The following KCTD8 variants were observed in gnomAD, a reference collection of about 807,000 sequenced individuals.
KCTD8 encodes BTB/POZ domain-containing protein KCTD8.
Under a neutral mutation model 31.5 loss-of-function variants are expected in KCTD8, and 27 were observed. The ratio of observed to expected loss-of-function variants is 0.86; its 90% CI spans 0.63 to 1.18. The LOEUF (loss-of-function observed/expected upper bound fraction) is 1.18, where lower values mean the gene tolerates loss of function less well. KCTD8 is among the 50% of genes most tolerant of loss of function. The pLI, the probability that KCTD8 is intolerant of heterozygous loss-of-function variation, is 0.00. For missense variants in KCTD8, 658 were observed against 647.7 expected, an observed-to-expected ratio of 1.02 and a Z score of -0.17; for synonymous variants, 290 against 280.0, an observed-to-expected ratio of 1.04 and a Z score of -0.36.
chr4:44,230,902 A>C (rs1328285180), intron 1 of KCTD8, among the ~76,000 whole-genome samples: 2 of 152,202 alleles, frequency 1.3e-5, no homozygotes, highest in Non-Finnish European at 2.9e-5. Flanking sequence ...ATTCTCAAGC[A>C]TAATAGATGG....
At position 44,447,598 on chromosome 4, in the gene KCTD8, T is replaced by C; in HGVS notation, c.926A>G (p.Lys309Arg). ...GTACTCGGTGTAGCTGCTCCAGATC[T>C]TGTCGTCGCGGTACTGGTTGACGAA... is the stretch of plus-strand genomic sequence containing the variant. Reference protein sequence around the residue: ...AAFVNQYRDDKIWSSYTEYIF... With the variant: ...AAFVNQYRDDRIWSSYTEYIF... Residue 309 changes from lysine to arginine, a missense_variant, in exon 1 of 2, where the codon AAG (lysine) becomes AGG (arginine). Lys to Arg is a conservative substitution (Grantham distance 26). Transcript: ENST00000360029. 1.3e-6 allele frequency: 2 copies of C among 1,599,744 alleles called. No homozygotes were observed. Among genetic ancestry groups the C allele is most frequent in the Non-Finnish European group, 1.7e-6 (2 of 1,173,118 alleles).
intron 1 of KCTD8, among the ~76,000 whole-genome samples, chr4:44,311,461 G>A (rs1717949270): frequency 6.6e-6 from 1 of 151,960 alleles, no homozygotes; most frequent in African/African-American, 2.4e-5. Context: ...GGTATATACA[G>A]TAAAAAATAT....
chr4:44,193,103 G>A (rs1448701048), intron 1 of KCTD8, among the ~76,000 whole-genome samples: 1 of 152,010 alleles, frequency 6.6e-6, no homozygotes, highest in African/African-American at 2.4e-5. Context: ...ACCACTAGTT[G>A]AAAAAGATAA....
intron 1 of KCTD8, among the ~76,000 whole-genome samples, chr4:44,286,779 G>C (rs1329888058): frequency 6.6e-6 from 1 of 152,094 alleles, no homozygotes; most frequent in East Asian, 1.9e-4. Context: ...AGGATGGATG[G>C]TTTAGGGGTA....
intron 1 of KCTD8, among the ~76,000 whole-genome samples, chr4:44,297,890 C>G (rs989287115): frequency 6.6e-6 from 1 of 152,094 alleles, no homozygotes; most frequent in African/African-American, 2.4e-5. Flanking sequence ...AATATTTTAC[C>G]TCTTGTAATT....
chr4:44,400,454 G>A (rs1363964478), intron 1 of KCTD8, among the ~76,000 whole-genome samples: 1 of 151,870 alleles, frequency 6.6e-6, no homozygotes, highest in Non-Finnish European at 1.5e-5. Context: ...AAACCAGCCA[G>A]GCACGATGGC....
chr4:44,425,828 G>A (rs1386651486), intron 1 of KCTD8, among the ~76,000 whole-genome samples: 1 of 151,924 alleles, frequency 6.6e-6, no homozygotes, highest in African/African-American at 2.4e-5. Context: ...CTGTGGCCAA[G>A]AGTGGCCAGG....
intron 1 of KCTD8, among the ~76,000 whole-genome samples, chr4:44,264,262 T>C (rs11930482): frequency 0.03 from 4,588 of 152,312 alleles, 242 homozygotes; most frequent in African/African-American, 0.11. Context: ...CTTTATAGAA[T>C]TTTTTAAAAA....
chr4:44,302,559 C>T (rs1266479439), intron 1 of KCTD8, among the ~76,000 whole-genome samples: 12 of 151,960 alleles, frequency 7.9e-5, no homozygotes, highest in African/African-American at 2.9e-4. Flanking sequence ...GATTTTTGTA[C>T]ATTGATTTTG....
intron 1 of KCTD8, among the ~76,000 whole-genome samples, chr4:44,340,589 G>A (rs1001310074): frequency 7.9e-5 from 12 of 151,716 alleles, no homozygotes; most frequent in East Asian, 1.9e-4. Flanking sequence ...GATTACAGGC[G>A]TGAGCCACCA....
At chr4:44,204,510 C>A (rs1478537403) in intron 1 of KCTD8, among the ~76,000 whole-genome samples, 2 of 152,132 alleles carry the variant, frequency 1.3e-5, no homozygotes, top group Non-Finnish European at 2.9e-5. Flanking sequence ...GTACCCCCTG[C>A]TTCCTCAATC....
chr4:44,301,818 C>T (rs1165287992), intron 1 of KCTD8, among the ~76,000 whole-genome samples: 3 of 152,132 alleles, frequency 2.0e-5, no homozygotes, highest in African/African-American at 7.2e-5. Context: ...ATGGTAATGC[C>T]TGGGTTTTCT....
intron 1 of KCTD8, among the ~76,000 whole-genome samples, chr4:44,181,808 C>T (rs1378591283): frequency 3.3e-5 from 5 of 151,826 alleles, no homozygotes; most frequent in Non-Finnish European, 7.4e-5. Context: ...TGAGGAGCGT[C>T]TCTGCCCGGC....
At position 44,257,388 on chromosome 4, in the gene KCTD8, C is replaced by T. The variant is rs114008748; in HGVS notation, c.962-82138G>A. Among the ~76,000 whole-genome samples the T allele has an allele frequency of 8.7e-3, 1,321 of 151,984 alleles. 18 individuals are homozygous for T. The highest frequency in any genetic ancestry group is 0.03 in the African/African-American group (1,250 of 41,494). The stretch of plus-strand genomic sequence containing the variant: ...TCGAAAATATTAACTAAGGTCTTTT[C>T]GAGGTCTTATTTAAAAGACTGAATT... On this transcript the variant is annotated intron_variant, in intron 1 of 1. Transcript: ENST00000360029.
At chr4:44,381,672 T>C (rs1720069891) in intron 1 of KCTD8, among the ~76,000 whole-genome samples, 1 of 152,002 alleles carries the variant, frequency 6.6e-6, no homozygotes, top group Admixed American at 6.6e-5. Flanking sequence ...TAGAGGCAGA[T>C]CCCTCATGAA....
chr4:44,183,930 C>T (rs1454663494), intron 1 of KCTD8, among the ~76,000 whole-genome samples: 1 of 152,172 alleles, frequency 6.6e-6, no homozygotes, highest in African/African-American at 2.4e-5. Flanking sequence ...ACCAATCTAT[C>T]TTAAATATTA....
intron 1 of KCTD8, among the ~76,000 whole-genome samples, chr4:44,230,631 A>G (rs1474318223): frequency 6.6e-6 from 1 of 152,164 alleles, no homozygotes; most frequent in Non-Finnish European, 1.5e-5. Context: ...ATGTTCTTTA[A>G]TGATGTAAAG....
At position 44,323,034 on chromosome 4, in the gene KCTD8, G is replaced by A. The variant is rs192437787; in HGVS notation, c.961+124529C>T. ...TAGGTAGCTTGATACCTCCAGCTTCGTTCTTTTTGGCTCAGAATCGCTTTA... is the reference window on the plus strand; with the variant it reads ...TAGGTAGCTTGATACCTCCAGCTTCATTCTTTTTGGCTCAGAATCGCTTTA... On this transcript the variant is annotated intron_variant, in intron 1 of 1. Transcript: ENST00000360029. 7.0e-4 allele frequency among the ~76,000 whole-genome samples: 107 copies of A among 152,020 alleles called. 2 individuals carry two copies. Among genetic ancestry groups the A allele is most frequent in the African/African-American group, 2.4e-3 (100 of 41,362 alleles).
At chr4:44,175,876 C>T (rs1713199332) in intron 1 of KCTD8, among the ~76,000 whole-genome samples, 1 of 152,086 alleles carries the variant, frequency 6.6e-6, no homozygotes, top group Non-Finnish European at 1.5e-5. Context: ...ATATAGGGGC[C>T]TAATATTATG....
Sources: gnomAD v4.1 joint callset for allele counts (sites outside exome capture counted in the v4.1 genomes callset) on GRCh38, gnomAD v4.1.1 for gene constraint, MANE v1.5 for transcripts, NCBI Gene and HGNC (gene_info 2026-07-23, HGNC 2026-07-21) for gene names.